Variants in SPOCK1 observed in about 807,000 individuals in gnomAD.
SPOCK1 encodes the protein SPARC (osteonectin), cwcv and kazal like domains proteoglycan 1, also known as testican-1.
Under a neutral mutation model 55.3 loss-of-function variants are expected in SPOCK1, and 23 were observed. The ratio of observed to expected loss-of-function variants is 0.42; its 90% CI spans 0.30 to 0.59. The LOEUF is 0.59. SPOCK1 is among the 20% of genes least tolerant of loss of function. The pLI is 0.22. For synonymous variants in SPOCK1, 226 were observed against 221.0 expected (o/e 1.02, Z -0.20); for missense variants, 499 against 552.5 (o/e 0.90, Z 0.97).
intron 2 of SPOCK1, among the ~76,000 whole-genome samples, chr5:137,286,537 A>ATT (rs1488636328): frequency 6.6e-6 from 1 of 152,152 alleles, no homozygotes; most frequent in Non-Finnish European, 1.5e-5. Context: ...CCCTCCTTCT[A>ATT]TTTCTTACTA....
chr5:137,286,260 C>T (rs1474889182), intron 2 of SPOCK1, among the ~76,000 whole-genome samples: 1 of 152,280 alleles, frequency 6.6e-6, no homozygotes, highest in East Asian at 1.9e-4. Context: ...ATCACATGGC[C>T]TCAAAAACAT....
chr5:137,093,012 C>T (rs545072599), intron 5 of SPOCK1, among the ~76,000 whole-genome samples: 2 of 152,190 alleles, frequency 1.3e-5, no homozygotes, highest in South Asian at 4.2e-4. Flanking sequence ...GCCACTAGTT[C>T]CCCTCCCATG....
intron 5 of SPOCK1, among the ~76,000 whole-genome samples, chr5:137,077,221 G>GC (rs1402817691): frequency 2.0e-5 from 3 of 152,212 alleles, no homozygotes; most frequent in Admixed American, 6.5e-5. Context: ...ACCGCGCCCG[G>GC]CCCCCGCAGA....
intron 3 of SPOCK1, among the ~76,000 whole-genome samples, chr5:137,165,789 G>A (rs1754637818): frequency 6.6e-6 from 1 of 152,152 alleles, no homozygotes; most frequent in African/African-American, 2.4e-5. Flanking sequence ...ATGCATCAGA[G>A]TCTTTTAATA....
intron 6 of SPOCK1, among the ~76,000 whole-genome samples, chr5:137,009,367 A>G (rs1751308877): frequency 6.6e-6 from 1 of 152,230 alleles, no homozygotes; most frequent in African/African-American, 2.4e-5. Context: ...CACCAATGGA[A>G]AAACTATAAA....
intron 2 of SPOCK1, among the ~76,000 whole-genome samples, chr5:137,321,174 T>C (rs1757975709): frequency 6.7e-6 from 1 of 149,972 alleles, no homozygotes; most frequent in African/African-American, 2.5e-5. Flanking sequence ...TTGGAAATTA[T>C]TCAGTCATAG....
At chr5:137,228,984 G>A (rs544830735) in intron 3 of SPOCK1, among the ~76,000 whole-genome samples, 9 of 152,240 alleles carry the variant, frequency 5.9e-5, no homozygotes, top group African/African-American at 1.4e-4. Flanking sequence ...CCGAGCTCAC[G>A]CACTGCAAAT....
intron 2 of SPOCK1, among the ~76,000 whole-genome samples, chr5:137,474,069 A>G (rs545156096): frequency 4.2e-4 from 64 of 152,256 alleles, no homozygotes; most frequent in Non-Finnish European, 6.5e-4. Flanking sequence ...GAATGATACA[A>G]TGTGACTTTG....
intron 2 of SPOCK1, among the ~76,000 whole-genome samples, chr5:137,297,827 A>G (rs1757517689): frequency 6.6e-6 from 1 of 152,182 alleles, no homozygotes; most frequent in African/African-American, 2.4e-5. Flanking sequence ...GGCACACTTA[A>G]TTTTAACAGA....
At chr5:137,369,497 C>T (rs539903467) in intron 2 of SPOCK1, among the ~76,000 whole-genome samples, 4 of 152,262 alleles carry the variant, frequency 2.6e-5, no homozygotes, top group African/African-American at 9.6e-5. Flanking sequence ...TCGAGAAGTG[C>T]CAGGGAGACA....
At chr5:137,249,412 T>C (rs1756463677) in intron 3 of SPOCK1, among the ~76,000 whole-genome samples, 1 of 152,224 alleles carries the variant, frequency 6.6e-6, no homozygotes, top group African/African-American at 2.4e-5. Flanking sequence ...CAGAATACTA[T>C]GCTATAAAAA....
At chr5:136,986,009 G>A (rs1750834063) in intron 8 of SPOCK1, among the ~76,000 whole-genome samples, 1 of 152,016 alleles carries the variant, frequency 6.6e-6, no homozygotes, top group Non-Finnish European at 1.5e-5. Context: ...CTTTCTGCAG[G>A]CCCCACACTT....
At chr5:137,068,959 G>C (rs751228853) in intron 5 of SPOCK1, among the ~76,000 whole-genome samples, 2 of 152,192 alleles carry the variant, frequency 1.3e-5, no homozygotes, top group African/African-American at 2.4e-5. Context: ...AGGAAGAAGA[G>C]ATAGGTGAAA....
At chr5:137,393,201 T>C (rs758844514) in intron 2 of SPOCK1, among the ~76,000 whole-genome samples, 1 of 152,170 alleles carries the variant, frequency 6.6e-6, no homozygotes, top group East Asian at 1.9e-4. Flanking sequence ...CCTTCCTGTA[T>C]GTACACTCTT....
At chr5:137,479,792 G>T (rs1021335267) in intron 2 of SPOCK1, among the ~76,000 whole-genome samples, 4 of 152,186 alleles carry the variant, frequency 2.6e-5, no homozygotes, top group South Asian at 2.1e-4. Context: ...TGATTAACAT[G>T]GAGTTATTGG....
At chr5:137,382,121 T>C (rs1231002474) in intron 2 of SPOCK1, among the ~76,000 whole-genome samples, 1 of 152,226 alleles carries the variant, frequency 6.6e-6, no homozygotes. Context: ...CACAGATCTC[T>C]AGGGTAGGGG....
chr5:137,322,892 T>C (rs995947421), intron 2 of SPOCK1, among the ~76,000 whole-genome samples: 2 of 152,196 alleles, frequency 1.3e-5, no homozygotes, highest in African/African-American at 4.8e-5. Flanking sequence ...GGCCAGCATC[T>C]AGTAAGGACC....
chr5:137,293,645 A>T (rs969236493), intron 2 of SPOCK1, among the ~76,000 whole-genome samples: 1 of 152,200 alleles, frequency 6.6e-6, no homozygotes, highest in Admixed American at 6.5e-5. Flanking sequence ...AGGTAATACC[A>T]CTTTCCCTAT....
chr5:137,293,089 A>ATTTTTTTTTTTTTTTTT (rs531537488), intron 2 of SPOCK1, among the ~76,000 whole-genome samples: 6 of 100,850 alleles, frequency 5.9e-5, no homozygotes, highest in African/African-American at 1.2e-4. Flanking sequence ...GGTTTGTTGA[A>ATTTTTTTTTTTTTTTTT]TTTTTTTTTT....
Sources: gnomAD v4.1 joint callset for allele counts (sites outside exome capture counted in the v4.1 genomes callset) on GRCh38, gnomAD v4.1.1 for gene constraint, MANE v1.5 for transcripts, NCBI Gene and HGNC (gene_info 2026-07-23, HGNC 2026-07-21) for gene names.